PLS1: variants seen among roughly 807,000 people sequenced by gnomAD.
The protein encoded by PLS1 is plastin-1.
Under a neutral mutation model 73.7 loss-of-function variants are expected in PLS1, and 32 were observed. The ratio of observed to expected loss-of-function variants is 0.43; its 90% confidence interval spans 0.33 to 0.58. The LOEUF is 0.58. Ranked by LOEUF, PLS1 falls within the 20% of genes least tolerant of loss-of-function variation. The probability of loss-of-function intolerance (pLI) is 0.04; values close to 1 mark genes in which losing one functional copy is unlikely to be tolerated. For missense variants in PLS1, 633 were observed against 740.5 expected (o/e 0.85, Z 1.68); for synonymous variants, 217 against 261.3 (o/e 0.83, Z 1.63).
intron 1 of PLS1, among the ~76,000 whole-genome samples, chr3:142,622,359 C>T (rs9862686): frequency 0.25 from 38,488 of 152,106 alleles, 6,921 homozygotes; most frequent in African/African-American, 0.52. Context: ...ACAATCAAGA[C>T]GTAGAACACT....
chr3:142,634,289 G>T (rs998212041), intron 1 of PLS1, among the ~76,000 whole-genome samples: 4 of 152,180 alleles, frequency 2.6e-5, no homozygotes, highest in Non-Finnish European at 5.9e-5. Context: ...TTCCAAATTT[G>T]ATGAAACCTA....
At chr3:142,675,587 A>G (rs2037703922) in intron 4 of PLS1, among the ~76,000 whole-genome samples, 1 of 151,390 alleles carries the variant, frequency 6.6e-6, no homozygotes. Flanking sequence ...AGGTTTTAAC[A>G]TGTTGGCCAG....
Position 142,713,589 on chromosome 3 carries a change from T to A in PLS1, c.*1582T>A, listed in dbSNP as rs1933234415. On this transcript the variant is annotated 3_prime_UTR_variant, in exon 16 of 16. Coordinates refer to ENST00000457734, the MANE Select transcript of PLS1 (RefSeq NM_001145319.2). ...CATTGTATTTACTAAGTTATTGGAT[T>A]TACATGAAATCTGGCACTTTAGGGT... 6.6e-6 allele frequency: 1 copy of A among 152,592 alleles called. No homozygotes were observed. The allele number at this position is 152,592 out of a possible 1,614,324, so 9.5% of individuals were successfully genotyped here. A position where few individuals can be genotyped will look rare whatever the true frequency, so the allele number is the denominator to read the frequency against.
At chr3:142,600,907 TATATATATA>T (rs538327193) in intron 1 of PLS1, among the ~76,000 whole-genome samples, 16 of 30,276 alleles carry the variant, frequency 5.3e-4, no homozygotes, top group African/African-American at 1.3e-3. Flanking sequence ...TATATATATA[TATATATATA>T]TTTTTTTTTT....
chr3:142,693,263 G>C (rs112976286), intron 10 of PLS1, among the ~76,000 whole-genome samples: 1 of 152,246 alleles, frequency 6.6e-6, no homozygotes, highest in African/African-American at 2.4e-5. Context: ...CTGAACAGTT[G>C]GCACAAATAA....
intron 6 of PLS1, among the ~76,000 whole-genome samples, chr3:142,681,732 T>G (rs961617998): frequency 1.3e-5 from 2 of 152,146 alleles, no homozygotes; most frequent in Non-Finnish European, 2.9e-5. Flanking sequence ...CTCCATGGGG[T>G]TCTCCTGTTA....
intron 1 of PLS1, among the ~76,000 whole-genome samples, chr3:142,659,154 C>T (rs932763817): frequency 6.6e-6 from 1 of 152,086 alleles, no homozygotes; most frequent in African/African-American, 2.4e-5. Flanking sequence ...CATTATATTT[C>T]ATATTTCTAG....
chr3:142,598,221 G>A (rs1406418317), intron 1 of PLS1, among the ~76,000 whole-genome samples: 6 of 152,054 alleles, frequency 3.9e-5, no homozygotes, highest in African/African-American at 9.7e-5. Context: ...CCAACTTCCC[G>A]ACCAGGAAGT....
intron 11 of PLS1, among the ~76,000 whole-genome samples, chr3:142,695,369 A>G (rs1026856882): frequency 1.3e-5 from 2 of 152,228 alleles, no homozygotes; most frequent in African/African-American, 4.8e-5. Context: ...TTTATTCACA[A>G]TGTTCTTTAA....
At chr3:142,706,022 G>A (rs1174830983) in intron 14 of PLS1, among the ~76,000 whole-genome samples, 1 of 151,964 alleles carries the variant, frequency 6.6e-6, no homozygotes, top group Non-Finnish European at 1.5e-5. Flanking sequence ...TTCTCTAATT[G>A]GCAGTTATTC....
chr3:142,673,502 C>T (rs1418007753), intron 4 of PLS1: 3 of 152,156 alleles, frequency 2.0e-5, no homozygotes, highest in Non-Finnish European at 2.9e-5. Flanking sequence ...TTTGAATTCT[C>T]GTAGGCATAT....
Position 142,684,324 on chromosome 3 carries a change from C to T in PLS1, c.817C>T (p.Leu273=). ...LMKLSPEELL[L]RWVNYHLTNA... ...GAAGCTTTCTCCCGAGGAATTACTG[C>T]TGCGATGGGTGAACTACCATCTGAC... is the stretch of plus-strand genomic sequence containing the variant. Residue 273 remains leucine, a synonymous_variant, in exon 8 of 16, where the codon CTG becomes TTG. Coordinates refer to ENST00000457734, the MANE Select transcript of PLS1 (RefSeq NM_001145319.2). 6.2e-7 allele frequency: 1 copy of T among 1,613,614 alleles called. No homozygotes were observed. The highest frequency in any genetic ancestry group is 8.5e-7 in the Non-Finnish European group (1 of 1,179,532).
intron 1 of PLS1, among the ~76,000 whole-genome samples, chr3:142,629,167 A>G (rs1250831649): frequency 6.6e-6 from 1 of 151,292 alleles, no homozygotes; most frequent in East Asian, 1.9e-4. Context: ...AACAACTGCT[A>G]CTTTTGGTGG....
rs1350896450 is a variant in PLS1, at chr3:142,694,519, G to A, written c.1228G>A (p.Val410Ile). ...TCGGAACTGGATGAATTCCTTGGGA[G>A]TCAACCCATACATTAATCATTTGTA... ...TFRNWMNSLG[V>I]NPYINHLYSD... The change falls in exon 11 of 16, where the codon GTC becomes ATC. Residue 410 changes from valine (V) to isoleucine (I), a missense_variant. By Grantham distance (29) the Val-to-Ile change is conservative. Coordinates refer to ENST00000457734, the MANE Select transcript of PLS1 (RefSeq NM_001145319.2). 1.1e-5 allele frequency: 17 copies of A among 1,600,640 alleles called. No homozygotes were observed. The highest frequency in any genetic ancestry group is 1.5e-5 in the Non-Finnish European group (17 of 1,168,208).
At chr3:142,671,352 C>G (rs1012060285) in intron 4 of PLS1, among the ~76,000 whole-genome samples, 1 of 152,082 alleles carries the variant, frequency 6.6e-6, no homozygotes. Flanking sequence ...TCAATGAGTT[C>G]CTGCTGTGTA....
intron 2 of PLS1, among the ~76,000 whole-genome samples, chr3:142,667,807 C>G (rs905319589): frequency 2.6e-5 from 4 of 152,142 alleles, no homozygotes. Flanking sequence ...GTGTGTATTT[C>G]AGAATTATGG....
At chr3:142,611,645 C>T (rs1414340391) in intron 1 of PLS1, among the ~76,000 whole-genome samples, 4 of 151,706 alleles carry the variant, frequency 2.6e-5, no homozygotes, top group Admixed American at 1.3e-4. Flanking sequence ...AAAAATAGTA[C>T]GTATATAGTA....
At chr3:142,644,591 G>A (rs907569322) in intron 1 of PLS1, among the ~76,000 whole-genome samples, 1 of 152,056 alleles carries the variant, frequency 6.6e-6, no homozygotes, top group Non-Finnish European at 1.5e-5. Context: ...CTTTTGATGC[G>A]CATACTCTTA....
intron 1 of PLS1, among the ~76,000 whole-genome samples, chr3:142,632,348 A>C (rs1431284680): frequency 1.3e-5 from 2 of 152,152 alleles, no homozygotes; most frequent in Non-Finnish European, 2.9e-5. Context: ...CATAAGAGAA[A>C]ACAAATATGC....
Sources: allele counts gnomAD v4.1 joint callset (sites outside exome capture counted in the v4.1 genomes callset), GRCh38; gene constraint gnomAD v4.1.1; transcripts MANE v1.5; gene names NCBI Gene and HGNC (gene_info 2026-07-23, HGNC 2026-07-21).